ESPN: variants seen among roughly 807,000 people sequenced by gnomAD.
The protein encoded by ESPN is autosomal recessive deafness type 36 protein.
Under a neutral mutation model 77.7 loss-of-function variants are expected in ESPN, and 68 were observed. The observed-to-expected ratio is 0.87, with a 90% confidence interval of 0.72 to 1.07. The LOEUF (loss-of-function observed/expected upper bound fraction) is 1.07, where lower values mean the gene tolerates loss of function less well. Among genes scored for constraint, ESPN ranks in the 50% least tolerant of loss-of-function variants. ESPN has a pLI of 0.00. For missense variants in ESPN, 1,060 were observed against 1,239.0 expected (o/e 0.86, Z 2.17); for synonymous variants, 449 against 567.1 (o/e 0.79, Z 2.96).
intron 7 of ESPN, among the ~76,000 whole-genome samples, chr1:6,446,335 G>T (rs964944532): frequency 2.0e-5 from 3 of 152,212 alleles, no homozygotes; most frequent in Non-Finnish European, 2.9e-5. Flanking sequence ...TGTCACCCAA[G>T]GGAGGTGGCT....
intron 10 of ESPN, 152 bp downstream of exon 10, chr1:6,452,248 A>G (rs1643961100): frequency 1.0e-6 from 1 of 970,018 alleles, no homozygotes; most frequent in South Asian, 1.8e-5. Flanking sequence ...TCTGTCGCCC[A>G]GGCTGGAGTG....
At chr1:6,426,667 G>C (rs1287714702) in intron 1 of ESPN, among the ~76,000 whole-genome samples, 1 of 152,190 alleles carries the variant, frequency 6.6e-6, no homozygotes, top group African/African-American at 2.4e-5. Context: ...GAGGCCCAGA[G>C]CCAGTGGGAC....
chr1:6,460,363 T>C lies in ESPN; in HGVS notation c.*217T>C. On this transcript the variant is annotated 3_prime_UTR_variant, in exon 13 of 13. Transcript: ENST00000645284. ...GGTTGCCCAGAAAAAGTGCCCAAGCTGCTGACGCAAACAACAACAAATGCT... is the reference window on the plus strand; with the variant it reads ...GGTTGCCCAGAAAAAGTGCCCAAGCCGCTGACGCAAACAACAACAAATGCT... 1 of 590,362 alleles carries C rather than the reference T, an allele frequency of 1.7e-6. No individual in the cohort carries two copies. The highest frequency in any genetic ancestry group is 1.9e-5 in the African/African-American group (1 of 53,688). 36.6% of individuals were successfully genotyped at this position (590,362 alleles called of 1,614,324 possible). A position where few individuals can be genotyped will look rare whatever the true frequency, so the allele number is the denominator to read the frequency against.
chr1:6,454,053 C>A (rs1451487165), intron 10 of ESPN, among the ~76,000 whole-genome samples: 2 of 152,182 alleles, frequency 1.3e-5, no homozygotes, highest in Admixed American at 1.3e-4. Context: ...AATAGCCGCC[C>A]TCGGATGGGT....
chr1:6,455,017 G>A, intron 10 of ESPN: 1 of 377,172 alleles, frequency 2.7e-6, no homozygotes, highest in South Asian at 1.3e-4. Flanking sequence ...CGCTGTCCGC[G>A]CCGCAAGCCC....
chr1:6,449,328 G>A (rs1261437206), intron 8 of ESPN, among the ~76,000 whole-genome samples: 1 of 152,158 alleles, frequency 6.6e-6, no homozygotes, highest in Admixed American at 6.5e-5. Context: ...CCCAATCTGG[G>A]CCTGCCTCCC....
intron 10 of ESPN, chr1:6,455,052 C>A: frequency 2.6e-6 from 1 of 381,204 alleles, no homozygotes; most frequent in Non-Finnish European, 4.7e-6. Flanking sequence ...CGCCCCGGGC[C>A]GGGAGCCCAT....
intron 2 of ESPN, among the ~76,000 whole-genome samples, chr1:6,436,482 CTTATTTATTTATTTAT>C (rs59014273): frequency 5.2e-4 from 75 of 145,166 alleles, no homozygotes; most frequent in South Asian, 1.3e-3. Flanking sequence ...GGAATTTTTT[CTTATTTATTTATTTAT>C]TTATTTATTT....
intron 12 of ESPN, among the ~76,000 whole-genome samples, chr1:6,459,792 C>T (rs1171092043): frequency 6.6e-6 from 1 of 152,170 alleles, no homozygotes; most frequent in African/African-American, 2.4e-5. Flanking sequence ...CTTAACCTCC[C>T]ACTCACCCAG....
chr1:6,459,338 T>C (rs139328529), intron 12 of ESPN, among the ~76,000 whole-genome samples: 3,704 of 151,084 alleles, frequency 0.025, 138 homozygotes, highest in African/African-American at 0.085. Flanking sequence ...GCCCAGGAGG[T>C]CGAGGCTGCA....
At position 6,425,052 on chromosome 1, in the gene ESPN, G is replaced by T. The variant is rs1038291674; in HGVS notation, c.97G>T (p.Asp33Tyr). The T allele has an allele frequency of 1.4e-5, 21 of 1,469,336 alleles. No individual in the cohort carries two copies. The highest frequency in any genetic ancestry group is 2.6e-5 in the South Asian group (2 of 77,170). 91.0% of individuals were successfully genotyped at this position (1,469,336 alleles called of 1,614,324 possible). ...AGGCCTCCTGGGGCCCTCGCTGCGCGACCCGCTGGACGCGCTGCCCGTGCA... is the reference window on the plus strand; with the variant it reads ...AGGCCTCCTGGGGCCCTCGCTGCGCTACCCGCTGGACGCGCTGCCCGTGCA... ...AAGLLGPSLR[D>Y]PLDALPVHHA... The change falls in exon 1 of 13, where the codon GAC (aspartate) becomes TAC (tyrosine). Residue 33 changes from aspartate (D) to tyrosine (Y), a missense_variant. Asp to Tyr is a radical substitution (Grantham distance 160, BLOSUM62 -3). This residue lies in a region of ESPN where 556 missense variants were observed against 633.6 expected (regional missense o/e 0.88). Transcript: ENST00000645284.
chr1:6,436,403 T>C lies in ESPN; in HGVS notation c.489-3851T>C, dbSNP rs181506456. Among the ~76,000 whole-genome samples the C allele has an allele frequency of 4.7e-3, 712 of 152,308 alleles. 6 individuals carry two copies. The highest frequency in any genetic ancestry group is 0.016 in the African/African-American group (684 of 41,540). On this transcript the variant is annotated intron_variant, in intron 2 of 12. Transcript: ENST00000645284. ...TGCTTGAGACAGAGTAATCATTCAG[T>C]AAATGGTGGCTGCTATCACTATTAT...
chr1:6,443,212 G>T (rs1307272631), intron 5 of ESPN: 1 of 152,078 alleles, frequency 6.6e-6, no homozygotes, highest in East Asian at 1.9e-4. Context: ...CATTTACTGG[G>T]TGCCATGTCC....
At chr1:6,433,312 T>G (rs1643319194) in intron 2 of ESPN, among the ~76,000 whole-genome samples, 1 of 150,422 alleles carries the variant, frequency 6.6e-6, no homozygotes, top group Non-Finnish European at 1.5e-5. Flanking sequence ...GGCATGGTGG[T>G]GGGTGTCTGT....
rs1320023011 is a variant in ESPN at position 6,451,048 on chromosome 1, C to T, written c.1916-555C>T. ...CATAAAGGTGCTCCCGGCTTGCAAC[C>T]AATGTGTCTGCTTGTGCATCTGTCT... On this transcript the variant is annotated intron_variant, in intron 8 of 12. Coordinates refer to ENST00000645284, the MANE Select transcript of ESPN (RefSeq NM_031475.3). This position sits in a 1 kb window ranked among gnomAD's most constrained non-coding sequence, Gnocchi z 4.3. Among the ~76,000 whole-genome samples the T allele has an allele frequency of 6.6e-6, 1 of 152,204 alleles. No individual in the cohort carries two copies. Among genetic ancestry groups the T allele is most frequent in the Non-Finnish European group, 1.5e-5 (1 of 68,042 alleles).
chr1:6,435,643 A>C (rs1236344040), intron 2 of ESPN, among the ~76,000 whole-genome samples: 5 of 152,196 alleles, frequency 3.3e-5, no homozygotes, highest in African/African-American at 1.2e-4. Context: ...TAGAGCTGGC[A>C]GGGGTCTGGG....
intron 8 of ESPN, 28 bp downstream of exon 8, chr1:6,449,119 G>C: frequency 6.9e-7 from 1 of 1,457,172 alleles, no homozygotes; most frequent in Non-Finnish European, 9.0e-7. Flanking sequence ...GAGGGGCGTG[G>C]GGCGGCGCTA....
At chr1:6,444,084 G>A (rs538696129) in intron 5 of ESPN, among the ~76,000 whole-genome samples, 202 of 152,334 alleles carry the variant, frequency 1.3e-3, no homozygotes, top group Non-Finnish European at 2.4e-3. Flanking sequence ...AAGGAGAGCC[G>A]GCTTGCCAGC....
In ESPN at chr1:6,424,820, A is replaced by G. The variant is rs188079860; in HGVS notation, c.-136A>G. The G allele has an allele frequency of 0.23, 202,563 of 885,898 alleles. 31,151 individuals are homozygous for G. The highest frequency in any genetic ancestry group is 0.73 in the African/African-American group (40,688 of 56,094). 54.9% of individuals were successfully genotyped at this position (885,898 alleles called of 1,614,324 possible). A position where few individuals can be genotyped will look rare whatever the true frequency, so the allele number is the denominator to read the frequency against. ...CGCCAGGCAGCGCGGAGCGGAGGCC[A>G]GGCCCACAGCCGCTCCGCCTCCCGG... is the stretch of plus-strand genomic sequence containing the variant. On this transcript the variant is annotated 5_prime_UTR_variant, in exon 1 of 13. Coordinates refer to ENST00000645284, the MANE Select transcript of ESPN (RefSeq NM_031475.3).
Sources: allele counts gnomAD v4.1 joint callset (sites outside exome capture counted in the v4.1 genomes callset), GRCh38; gene constraint gnomAD v4.1.1; regional missense constraint gnomAD v4.1.1; non-coding constraint Gnocchi (gnomAD v3.1); transcripts MANE v1.5; gene names NCBI Gene and HGNC (gene_info 2026-07-23, HGNC 2026-07-21).